Variants in ADCYAP1R1 observed in about 807,000 individuals in gnomAD.
The protein encoded by ADCYAP1R1 is ADCYAP receptor type I.
In ADCYAP1R1, 44 loss-of-function variants were observed where a neutral mutation model predicts 67.6. That is an observed-to-expected ratio of 0.65 (90% CI 0.51 to 0.84). The LOEUF (loss-of-function observed/expected upper bound fraction) is 0.84, where lower values mean the gene tolerates loss of function less well. Among genes scored for constraint, ADCYAP1R1 ranks in the 40% least tolerant of loss-of-function variants. The pLI is 0.00. For synonymous variants in ADCYAP1R1, 222 were observed against 219.6 expected (o/e 1.01, Z -0.10); for missense variants, 477 against 587.9 (o/e 0.81, Z 1.95).
chr7:31,084,955 C>A, intron 8 of ADCYAP1R1, 121 bp downstream of exon 8: 1 of 970,610 alleles, frequency 1.0e-6, no homozygotes, highest in Non-Finnish European at 1.6e-6. Context: ...AGGCATTTCT[C>A]CCACCCCAAG....
chr7:31,099,160 G>A (rs1382138746), intron 13 of ADCYAP1R1, among the ~76,000 whole-genome samples: 2 of 152,230 alleles, frequency 1.3e-5, no homozygotes, highest in Non-Finnish European at 2.9e-5. Flanking sequence ...CCAGGAGAAT[G>A]TAGAGTGAGA....
At chr7:31,087,584 C>T (rs775277296) in intron 11 of ADCYAP1R1, 43 bp from the exon 12 acceptor site, 29 of 1,588,412 alleles carry the variant, frequency 1.8e-5, no homozygotes, top group South Asian at 9.9e-5. Flanking sequence ...TCTATGCTGC[C>T]GACTCACAGA....
intron 12 of ADCYAP1R1, among the ~76,000 whole-genome samples, chr7:31,092,254 C>T (rs1254395281): frequency 6.6e-6 from 1 of 151,390 alleles, no homozygotes. Flanking sequence ...CATTCTGGTT[C>T]CCCATATTTG....
chr7:31,076,199 C>G (rs1477879208), intron 3 of ADCYAP1R1, among the ~76,000 whole-genome samples: 1 of 152,216 alleles, frequency 6.6e-6, no homozygotes, highest in African/African-American at 2.4e-5. Flanking sequence ...AAAGGCAGGA[C>G]AGCTACCAGC....
intron 13 of ADCYAP1R1, among the ~76,000 whole-genome samples, chr7:31,098,703 CGGGGGG>C (rs56397954): frequency 8.4e-5 from 5 of 59,590 alleles, no homozygotes; most frequent in African/African-American, 1.9e-4. Flanking sequence ...TGCAGCGGGG[CGGGGGG>C]GGGGGGGGGA....
intron 6 of ADCYAP1R1, 113 bp from the exon 7 acceptor site, chr7:31,084,028 C>T (rs1795630017): frequency 1.2e-6 from 1 of 808,800 alleles, no homozygotes. Context: ...CCATGCTTCC[C>T]AGTTGGTCAT....
At chr7:31,083,420 G>A (rs573304079) in intron 6 of ADCYAP1R1, among the ~76,000 whole-genome samples, 2 of 152,278 alleles carry the variant, frequency 1.3e-5, no homozygotes, top group South Asian at 4.1e-4. Context: ...CCACCCCCTC[G>A]AGTGTCCCAC....
intron 13 of ADCYAP1R1, among the ~76,000 whole-genome samples, chr7:31,099,914 G>A (rs570963899): frequency 2.6e-5 from 4 of 152,328 alleles, no homozygotes; most frequent in South Asian, 2.1e-4. Flanking sequence ...GCGTGTGTGC[G>A]TGTGCAGCCA....
At chr7:31,087,131 C>A in intron 11 of ADCYAP1R1, 128 bp downstream of exon 11, 2 of 1,113,974 alleles carry the variant, frequency 1.8e-6, no homozygotes, top group South Asian at 2.8e-5. Context: ...CAGACTAAAG[C>A]CCAGCACTGG....
At chr7:31,084,120 T>G in intron 6 of ADCYAP1R1, 21 bp from the exon 7 acceptor site, 1 of 1,608,576 alleles carries the variant, frequency 6.2e-7, no homozygotes, top group Non-Finnish European at 8.5e-7. Flanking sequence ...TGGGCCTCGC[T>G]GAGTTTTCTT....
In ADCYAP1R1 at chr7:31,086,548, G is replaced by C; in HGVS notation, c.823+11G>C. On this transcript the variant is annotated intron_variant, in intron 10 of 15. Transcript: ENST00000304166. The surrounding 1 kb of genome is among the most constrained non-coding windows in gnomAD (Gnocchi z 5.0). ...CCATCATTGGCTGGGGTAGGTTCCT[G>C]GCTGTGGCTTGGACAGGTTCAGGTC... The C allele has an allele frequency of 6.2e-7, 1 of 1,614,206 alleles. No homozygotes were observed. The highest frequency in any genetic ancestry group is 8.5e-7 in the Non-Finnish European group (1 of 1,180,026).
intron 1 of ADCYAP1R1, among the ~76,000 whole-genome samples, chr7:31,055,084 C>T (rs1794183909): frequency 6.6e-6 from 1 of 152,180 alleles, no homozygotes; most frequent in African/African-American, 2.4e-5. Flanking sequence ...TGGTGACAGC[C>T]ACCCCCACAG....
intron 11 of ADCYAP1R1, 31 bp downstream of exon 11, chr7:31,087,034 G>A (rs1035834494): frequency 8.1e-6 from 13 of 1,612,098 alleles, no homozygotes; most frequent in Non-Finnish European, 1.0e-5. Flanking sequence ...CAGGGCCACA[G>A]CACAGAGTAG....
intron 4 of ADCYAP1R1, among the ~76,000 whole-genome samples, chr7:31,079,236 C>T (rs1285920136): frequency 6.6e-6 from 1 of 152,208 alleles, no homozygotes; most frequent in African/African-American, 2.4e-5. Flanking sequence ...GTGAACTCCT[C>T]CATGGGCCTT....
In ADCYAP1R1 at chr7:31,083,824, T is replaced by G. The variant is rs73688762; in HGVS notation, c.329-317T>G. ...CCTAGGTGGTTCTGCACACTGACAT[T>G]TGAGAAGTGCTGATCCAGGGCCCAG... is the stretch of plus-strand genomic sequence containing the variant. On this transcript the variant is annotated intron_variant, in intron 6 of 15. Transcript: ENST00000304166. Among the ~76,000 whole-genome samples the G allele has an allele frequency of 9.1e-3, 1,382 of 152,232 alleles. 31 individuals are homozygous for G. Among genetic ancestry groups the G allele is most frequent in the African/African-American group, 0.031 (1,300 of 41,534 alleles).
At chr7:31,095,888 C>T in intron 13 of ADCYAP1R1, 2 of 620,000 alleles carry the variant, frequency 3.2e-6, no homozygotes, top group Non-Finnish European at 5.8e-6. Context: ...CACTCGTCCT[C>T]TCTGACCTGA....
At chr7:31,105,553 GACT>G (rs1190741603) in intron 15 of ADCYAP1R1, among the ~76,000 whole-genome samples, 8 of 152,226 alleles carry the variant, frequency 5.3e-5, no homozygotes, top group African/African-American at 1.9e-4. Flanking sequence ...CAGCGGTGGG[GACT>G]GAATGGCTAG....
chr7:31,091,096 T>C (rs1209931200), intron 12 of ADCYAP1R1, among the ~76,000 whole-genome samples: 1 of 152,244 alleles, frequency 6.6e-6, no homozygotes, highest in Non-Finnish European at 1.5e-5. Flanking sequence ...CTTTTGACTT[T>C]TTAGTAATAG....
intron 6 of ADCYAP1R1, among the ~76,000 whole-genome samples, chr7:31,082,271 C>T (rs569446248): frequency 8.5e-5 from 13 of 152,238 alleles, no homozygotes; most frequent in Admixed American, 4.6e-4. Flanking sequence ...GTTACTGGGG[C>T]GAATCAGCCT....
Sources: gnomAD v4.1 joint callset for allele counts (sites outside exome capture counted in the v4.1 genomes callset) on GRCh38, gnomAD v4.1.1 for gene constraint, Gnocchi (gnomAD v3.1) non-coding constraint, MANE v1.5 for transcripts, NCBI Gene and HGNC (gene_info 2026-07-23, HGNC 2026-07-21) for gene names.